The following CNTN5 variants were observed in gnomAD, a reference collection of about 807,000 sequenced individuals.
The protein encoded by CNTN5 is contactin-5.
In CNTN5, 77 loss-of-function variants were observed where a neutral mutation model predicts 129.1. The ratio of observed to expected loss-of-function variants is 0.60; its 90% CI spans 0.50 to 0.72. The LOEUF (loss-of-function observed/expected upper bound fraction) is 0.72. Ranked by LOEUF, CNTN5 falls within the 30% of genes least tolerant of loss-of-function variation. The probability of loss-of-function intolerance (pLI) is 0.00; values close to 1 mark genes in which losing one functional copy is unlikely to be tolerated. For synonymous variants in CNTN5, 509 were observed against 465.6 expected (o/e 1.09, Z -1.20); for missense variants, 1,478 against 1,328.8 (o/e 1.11, Z -1.75).
At chr11:100,011,084 T>C (rs1940499756) in intron 9 of CNTN5, among the ~76,000 whole-genome samples, 1 of 152,134 alleles carries the variant, frequency 6.6e-6, no homozygotes, top group African/African-American at 2.4e-5. Flanking sequence ...GAAATGTGAT[T>C]GATCTTTCAT....
chr11:99,314,153 A>G (rs1591509709), intron 1 of CNTN5, among the ~76,000 whole-genome samples: 1 of 152,050 alleles, frequency 6.6e-6, no homozygotes, highest in South Asian at 2.1e-4. Flanking sequence ...TTTTGAGGGT[A>G]TATATAGCTT....
chr11:99,684,575 G>A (rs1953704462), intron 3 of CNTN5, among the ~76,000 whole-genome samples: 1 of 151,804 alleles, frequency 6.6e-6, no homozygotes, highest in African/African-American at 2.4e-5. Context: ...CTTTGTTAAT[G>A]TTAGTTCTTG....
chr11:100,346,309 C>T lies in CNTN5; in HGVS notation c.3031-4393C>T, dbSNP rs936714482. ...AAGAAATGCCAAAAAAGCTTATTGACTAAAGTATATTCAGCCATAATTTTT... is the reference window on the plus strand; with the variant it reads ...AAGAAATGCCAAAAAAGCTTATTGATTAAAGTATATTCAGCCATAATTTTT... On this transcript the variant is annotated intron_variant, in intron 23 of 24. Transcript: ENST00000524871. Among the ~76,000 whole-genome samples, 110 of 152,008 alleles carry T rather than the reference C, an allele frequency of 7.2e-4. 7 individuals carry two copies. The highest frequency in any genetic ancestry group is 1.5e-5 in the Non-Finnish European group (1 of 67,992).
intron 3 of CNTN5, among the ~76,000 whole-genome samples, chr11:99,815,906 C>G (rs1161941471): frequency 2.0e-5 from 3 of 152,000 alleles, no homozygotes; most frequent in Non-Finnish European, 4.4e-5. Context: ...ATTTTAACAC[C>G]CTTTCAGTTT....
At chr11:99,823,696 A>T (rs1946869272) in intron 4 of CNTN5, among the ~76,000 whole-genome samples, 1 of 152,150 alleles carries the variant, frequency 6.6e-6, no homozygotes, top group Non-Finnish European at 1.5e-5. Flanking sequence ...TATTAAGTTT[A>T]TTAAACTTTA....
intron 7 of CNTN5, among the ~76,000 whole-genome samples, chr11:99,921,162 G>T (rs552492443): frequency 1.1e-4 from 16 of 152,162 alleles, no homozygotes; most frequent in Admixed American, 3.3e-4. Flanking sequence ...GTGGCACGTT[G>T]TTATGGCAAC....
intron 1 of CNTN5, among the ~76,000 whole-genome samples, chr11:99,233,870 C>T (rs149089663): frequency 0.096 from 14,572 of 152,028 alleles, 745 homozygotes; most frequent in Middle Eastern, 0.13. Flanking sequence ...GGTGTGAACC[C>T]GGAAGGCGGA....
At position 100,156,508 on chromosome 11, in the gene CNTN5, T is replaced by G. The variant is rs146146894; in HGVS notation, c.1581-34618T>G. Among the ~76,000 whole-genome samples, 228 of 152,228 alleles carry G rather than the reference T, an allele frequency of 1.5e-3. 5 individuals are homozygous for G. The East Asian group carries it at 0.036, about 24-fold the overall frequency. On this transcript the variant is annotated intron_variant, in intron 13 of 24. Transcript: ENST00000524871. ...CCTGGTTTTGGTATCAGGATGATGCTGGCCTCATAAAATGAGTTAGGGAAG... is the reference window on the plus strand; with the variant it reads ...CCTGGTTTTGGTATCAGGATGATGCGGGCCTCATAAAATGAGTTAGGGAAG...
chr11:99,553,456 G>A (rs1250825267), intron 2 of CNTN5, among the ~76,000 whole-genome samples: 1 of 151,682 alleles, frequency 6.6e-6, no homozygotes, highest in Admixed American at 6.6e-5. Context: ...TAAAGTCATC[G>A]GATAACTATG....
chr11:99,880,804 G>A (rs1453092720), intron 6 of CNTN5, among the ~76,000 whole-genome samples: 2 of 152,030 alleles, frequency 1.3e-5, no homozygotes, highest in African/African-American at 4.8e-5. Context: ...CTCTATTTAG[G>A]TGTAGGAAAT....
intron 8 of CNTN5, among the ~76,000 whole-genome samples, chr11:99,976,813 C>A (rs1174092326): frequency 6.6e-6 from 1 of 152,230 alleles, no homozygotes; most frequent in Non-Finnish European, 1.5e-5. Context: ...ACACTTTCCA[C>A]ATTGTCTTGG....
intron 1 of CNTN5, among the ~76,000 whole-genome samples, chr11:99,309,116 A>G (rs537114178): frequency 2.6e-5 from 4 of 151,954 alleles, no homozygotes; most frequent in African/African-American, 9.6e-5. Flanking sequence ...CAACATCAGG[A>G]GTTTTTATAG....
At chr11:100,335,121 CTG>C (rs1952007654) in intron 21 of CNTN5, among the ~76,000 whole-genome samples, 1 of 151,852 alleles carries the variant, frequency 6.6e-6, no homozygotes. Flanking sequence ...CAGGAGATCT[CTG>C]TACCTTCCTT....
intron 9 of CNTN5, among the ~76,000 whole-genome samples, chr11:100,006,798 G>C (rs1020316829): frequency 6.6e-6 from 1 of 151,986 alleles, no homozygotes; most frequent in Admixed American, 6.6e-5. Context: ...TCTCTAGAAG[G>C]TTTACAATTT....
intron 6 of CNTN5, among the ~76,000 whole-genome samples, chr11:99,858,583 G>A (rs570284870): frequency 1.6e-5 from 2 of 127,400 alleles, no homozygotes; most frequent in African/African-American, 2.9e-5. Flanking sequence ...AAACCCTCAT[G>A]AGAAATAGAA....
At chr11:99,425,380 C>T (rs897332044) in intron 2 of CNTN5, among the ~76,000 whole-genome samples, 46 of 152,332 alleles carry the variant, frequency 3.0e-4, no homozygotes, top group Middle Eastern at 3.4e-3. Context: ...TGTCTCCTGC[C>T]ATCAACATGC....
At chr11:100,089,716 T>C (rs1487713356) in intron 13 of CNTN5, among the ~76,000 whole-genome samples, 2 of 152,094 alleles carry the variant, frequency 1.3e-5, no homozygotes, top group African/African-American at 4.8e-5. Flanking sequence ...TATGAAGCCA[T>C]AGAAAGGGAC....
intron 2 of CNTN5, among the ~76,000 whole-genome samples, chr11:99,404,643 A>T (rs575151989): frequency 3.3e-5 from 5 of 152,274 alleles, no homozygotes; most frequent in African/African-American, 1.2e-4. Flanking sequence ...GCTAGTAAAG[A>T]CTGTATGCCT....
intron 6 of CNTN5, among the ~76,000 whole-genome samples, chr11:99,882,179 G>T (rs926214798): frequency 1.3e-5 from 2 of 152,172 alleles, no homozygotes; most frequent in African/African-American, 4.8e-5. Context: ...ATAATACATA[G>T]ATAACACCCT....
Sources: allele counts gnomAD v4.1 joint callset (sites outside exome capture counted in the v4.1 genomes callset), GRCh38; gene constraint gnomAD v4.1.1; transcripts MANE v1.5; gene names NCBI Gene and HGNC (gene_info 2026-07-23, HGNC 2026-07-21).